The following PDE11A variants were observed in gnomAD, a reference collection of about 807,000 sequenced individuals.
PDE11A encodes the protein dual 3',5'-cyclic-AMP and -GMP phosphodiesterase 11A.
In PDE11A, 100 loss-of-function variants were observed where a neutral mutation model predicts 100.5. That is an observed-to-expected ratio of 1.00 (90% CI 0.85 to 1.18). PDE11A has a LOEUF of 1.18. Among genes scored for constraint, PDE11A ranks in the 50% most tolerant of loss-of-function variants. The pLI, the probability that PDE11A is intolerant of heterozygous loss-of-function variation, is 0.00. For synonymous variants in PDE11A, 381 were observed against 420.8 expected (o/e 0.91, Z 1.16); for missense variants, 1,141 against 1,152.6 (o/e 0.99, Z 0.15).
At chr2:177,917,110 A>T (rs13399957) in intron 2 of PDE11A, among the ~76,000 whole-genome samples, 3,463 of 151,954 alleles carry the variant, frequency 0.023, 114 homozygotes, top group African/African-American at 0.08. Context: ...CAAACTCAGC[A>T]TTCTGAAACC....
chr2:177,937,803 C>G (rs1273732354), intron 2 of PDE11A, among the ~76,000 whole-genome samples: 5 of 152,120 alleles, frequency 3.3e-5, no homozygotes, highest in Admixed American at 2.0e-4. Flanking sequence ...TCATCTGTCA[C>G]TCAATACAAG....
intron 5 of PDE11A, among the ~76,000 whole-genome samples, chr2:177,865,364 T>A (rs572407977): frequency 6.6e-6 from 1 of 152,108 alleles, no homozygotes; most frequent in African/African-American, 2.4e-5. Context: ...GAAATAAAAA[T>A]AAGGATTGAT....
At chr2:178,064,348 T>A (rs2087015523) in intron 1 of PDE11A, among the ~76,000 whole-genome samples, 1 of 152,130 alleles carries the variant, frequency 6.6e-6, no homozygotes. Flanking sequence ...TCGGCCAAGG[T>A]TACCTTTTAT....
intron 10 of PDE11A, among the ~76,000 whole-genome samples, chr2:177,758,994 A>G (rs1299216879): frequency 6.6e-6 from 1 of 152,174 alleles, no homozygotes; most frequent in African/African-American, 2.4e-5. Context: ...GGCTCAGCAA[A>G]TCCTTACGTG....
chr2:177,906,173 ACACACACG>A (rs1021288488), intron 2 of PDE11A, among the ~76,000 whole-genome samples: 5 of 136,380 alleles, frequency 3.7e-5, no homozygotes, highest in Non-Finnish European at 6.4e-5. Flanking sequence ...TCTCACACAC[ACACACACG>A]CACGCACGCA....
chr2:177,917,557 A>G (rs1284762608), intron 2 of PDE11A, among the ~76,000 whole-genome samples: 2 of 152,238 alleles, frequency 1.3e-5, no homozygotes, highest in Non-Finnish European at 2.9e-5. Flanking sequence ...CATATTAAAT[A>G]CTAGTCTTTT....
chr2:177,921,102 T>C (rs1263263091), intron 2 of PDE11A, among the ~76,000 whole-genome samples: 1 of 151,758 alleles, frequency 6.6e-6, no homozygotes, highest in Non-Finnish European at 1.5e-5. Flanking sequence ...CTTTTTTTTT[T>C]TTTTTAGTAT....
intron 1 of PDE11A, among the ~76,000 whole-genome samples, chr2:178,043,494 A>G (rs1344010428): frequency 1.3e-5 from 2 of 152,170 alleles, no homozygotes; most frequent in African/African-American, 4.8e-5. Context: ...AAGCCAGTAG[A>G]CAAGCGGAGA....
chr2:177,853,677 T>A (rs1359131958), intron 5 of PDE11A, among the ~76,000 whole-genome samples: 1 of 32,154 alleles, frequency 3.1e-5, no homozygotes, highest in Non-Finnish European at 6.3e-5. Flanking sequence ...TATATATATA[T>A]ATATGTGTGT....
chr2:177,881,365 A>ATCTG (rs1247837165), intron 4 of PDE11A, among the ~76,000 whole-genome samples: 1 of 151,446 alleles, frequency 6.6e-6, no homozygotes, highest in Non-Finnish European at 1.5e-5. Flanking sequence ...CTATCTATCT[A>ATCTG]TCTATCTATC....
Position 177,947,460 on chromosome 2 carries a change from A to G in PDE11A, c.1072-42273T>C, listed in dbSNP as rs375052847. On this transcript the variant is annotated intron_variant, in intron 2 of 19. Coordinates refer to ENST00000286063, the MANE Select transcript of PDE11A (RefSeq NM_016953.4). ...TGCCTTGGGATCCTGTTGATCTGTG[A>G]CCTTGCCCCCAACCCTGTGCTCTCT... Among the ~76,000 whole-genome samples the G allele has an allele frequency of 2.0e-4, 30 of 152,326 alleles. 1 individual carries two copies. The highest frequency in any genetic ancestry group is 1.5e-3 in the East Asian group (8 of 5,184).
upstream of PDE11A, among the ~76,000 whole-genome samples, chr2:178,076,477 T>C (rs1012678696): frequency 3.9e-5 from 6 of 152,174 alleles, no homozygotes; most frequent in African/African-American, 9.7e-5. Context: ...CATGGTTACA[T>C]TGAAATCTAG....
At chr2:177,981,806 A>T (rs1171780890) in intron 2 of PDE11A, among the ~76,000 whole-genome samples, 2 of 151,032 alleles carry the variant, frequency 1.3e-5, no homozygotes, top group African/African-American at 4.8e-5. Flanking sequence ...GTAGAATATC[A>T]TTCTCTAGTG....
chr2:178,094,738 A>G (rs2087467864), intron 2 of PDE11A, among the ~76,000 whole-genome samples: 1 of 152,170 alleles, frequency 6.6e-6, no homozygotes, highest in Non-Finnish European at 1.5e-5. Flanking sequence ...AAGAGGTTTA[A>G]TTGCCTCACA....
chr2:177,987,423 T>C (rs6745288), intron 2 of PDE11A, among the ~76,000 whole-genome samples: 76,012 of 152,084 alleles, frequency 0.5, 21,936 homozygotes, highest in African/African-American at 0.8. Flanking sequence ...GGGACGTTCT[T>C]ATTGAAATGT....
At chr2:177,989,175 G>A (rs1225073544) in intron 2 of PDE11A, among the ~76,000 whole-genome samples, 1 of 152,126 alleles carries the variant, frequency 6.6e-6, no homozygotes, top group Non-Finnish European at 1.5e-5. Flanking sequence ...TAGTTTTAGT[G>A]CCTCTATTAC....
chr2:177,874,494 A>G lies in PDE11A; in HGVS notation c.1367+1365T>C, dbSNP rs553004821. Among the ~76,000 whole-genome samples the G allele has an allele frequency of 1.6e-4, 24 of 152,316 alleles. No homozygotes were observed. In the South Asian group the frequency reaches 3.5e-3, roughly 22 times the overall value. On this transcript the variant is annotated intron_variant, in intron 5 of 19. Coordinates refer to ENST00000286063, the MANE Select transcript of PDE11A (RefSeq NM_016953.4). ...TAACCCTTCCTCTAGAGGCAACCAAAGAGAATTTTTGTAGCAACACAGCTA... is the reference window on the plus strand; with the variant it reads ...TAACCCTTCCTCTAGAGGCAACCAAGGAGAATTTTTGTAGCAACACAGCTA...
In PDE11A at chr2:177,979,289, G is replaced by C. The variant is rs2085848946; in HGVS notation, c.1071+35013C>G. On this transcript the variant is annotated intron_variant, in intron 2 of 19. Transcript: ENST00000286063. ...TTTTAGGTTGACATATAAAACTAGT[G>C]ACTTCTTCCTACTTTATAAACAATG... Among the ~76,000 whole-genome samples, 4 of 150,492 alleles carry C rather than the reference G, an allele frequency of 2.7e-5. 2 individuals are homozygous for C. In the South Asian group the frequency reaches 8.6e-4, roughly 33 times the overall value.
At chr2:178,094,552 T>C (rs1205724317) in intron 2 of PDE11A, among the ~76,000 whole-genome samples, 1 of 151,780 alleles carries the variant, frequency 6.6e-6, no homozygotes, top group African/African-American at 2.4e-5. Flanking sequence ...AACGAAATGT[T>C]AAATGAAAAA....
Sources: gnomAD v4.1 joint callset for allele counts (sites outside exome capture counted in the v4.1 genomes callset) on GRCh38, gnomAD v4.1.1 for gene constraint, MANE v1.5 for transcripts, NCBI Gene and HGNC (gene_info 2026-07-23, HGNC 2026-07-21) for gene names.